Variants in ZNF180 observed in about 807,000 individuals in gnomAD.
ZNF180 encodes zinc finger protein 180 (HHZ168).
In ZNF180, 11 loss-of-function variants were observed where a neutral mutation model predicts 11.8. The observed-to-expected ratio is 0.93, with a 90% CI of 0.59 to 1.55. The LOEUF is 1.55. Among genes scored for constraint, ZNF180 ranks in the 40% most tolerant of loss-of-function variants. The pLI, the probability that ZNF180 is intolerant of heterozygous loss-of-function variation, is 0.00. For missense variants in ZNF180, 773 were observed against 781.7 expected (o/e 0.99, Z 0.13); for synonymous variants, 287 against 257.7 (o/e 1.11, Z -1.09).
chr19:44,481,045 T>C (rs1421966701), intron 3 of ZNF180, among the ~76,000 whole-genome samples: 1 of 152,192 alleles, frequency 6.6e-6, no homozygotes, highest in Non-Finnish European at 1.5e-5. Flanking sequence ...ATTACTGCCA[T>C]ATAAATGGGG....
At chr19:44,481,269 T>A (rs1970071969) in intron 3 of ZNF180, among the ~76,000 whole-genome samples, 1 of 152,158 alleles carries the variant, frequency 6.6e-6, no homozygotes, top group South Asian at 2.1e-4. Context: ...GGGTCCTGAA[T>A]GCCATGAAAG....
At chr19:44,498,127 C>T (rs1050700348) in intron 1 of ZNF180, among the ~76,000 whole-genome samples, 1 of 152,150 alleles carries the variant, frequency 6.6e-6, no homozygotes, top group African/African-American at 2.4e-5. Context: ...AAACCAGTCC[C>T]TCCACCAACT....
chr19:44,476,604 G>A lies in ZNF180; in HGVS notation c.1796C>T (p.Thr599Ile), dbSNP rs752085685. ...QSSCLTQHQRTHTGEKPFECN... is the reference protein window; with the variant it reads ...QSSCLTQHQRIHTGEKPFECN... ...TTCAAATGGTTTCTCTCCAGTATGA[G>A]TTCTCTGATGTTGAGTAAGGCATGA... is the stretch of plus-strand genomic sequence containing the variant. The change falls in exon 5 of 5, where the codon ACT becomes ATT. Residue 599 changes from threonine to isoleucine, a missense_variant. Transcript: ENST00000592529. 5.6e-6 allele frequency: 9 copies of A among 1,614,076 alleles called. No homozygotes were observed. The highest frequency in any genetic ancestry group is 7.6e-6 in the Non-Finnish European group (9 of 1,179,998).
chr19:44,497,794 C>A (rs1008925303), intron 1 of ZNF180, among the ~76,000 whole-genome samples: 9 of 152,134 alleles, frequency 5.9e-5, no homozygotes, highest in African/African-American at 2.2e-4. Context: ...CAATCTACAG[C>A]CCCAAACCAG....
chr19:44,494,052 T>G (rs2123498298), intron 2 of ZNF180, among the ~76,000 whole-genome samples: 1 of 152,274 alleles, frequency 6.6e-6, no homozygotes, highest in Non-Finnish European at 1.5e-5. Context: ...TGCAAAATTT[T>G]GGGGTATGTA....
chr19:44,480,692 T>C (rs1336260004), intron 3 of ZNF180, among the ~76,000 whole-genome samples: 2 of 152,218 alleles, frequency 1.3e-5, no homozygotes, highest in African/African-American at 2.4e-5. Context: ...ATATACACCT[T>C]AAACATATAG....
intron 4 of ZNF180, among the ~76,000 whole-genome samples, 200 bp downstream of exon 4, chr19:44,479,083 A>G (rs548207665): frequency 4.6e-5 from 7 of 152,320 alleles, no homozygotes; most frequent in African/African-American, 1.7e-4. Context: ...GAACATGAAG[A>G]CTGAAAATCT....
In ZNF180 at chr19:44,477,812, A is replaced by G; in HGVS notation, c.588T>C (p.His196=). The part of the protein sequence containing the change: ...IRNHFHKHVS[H]AKKWHLNAAV... ...CAGCATTAAGATGCCATTTTTTAGC[A>G]TGTGATACATGTTTATGAAAATGGT... Residue 196 remains histidine, a synonymous_variant, in exon 5 of 5, where the codon CAT becomes CAC. Coordinates refer to ENST00000592529, the MANE Select transcript of ZNF180 (RefSeq NM_001278509.3). The G allele has an allele frequency of 1.2e-6, 2 of 1,613,946 alleles. No homozygotes were observed. Among genetic ancestry groups the G allele is most frequent in the South Asian group, 2.2e-5 (2 of 91,072 alleles).
At chr19:44,479,517 T>G (rs541990760) in intron 3 of ZNF180, 108 bp from the exon 4 acceptor site, 2 of 1,290,454 alleles carry the variant, frequency 1.5e-6, no homozygotes, top group African/African-American at 1.5e-5. Context: ...GACCTGGGAG[T>G]TGTCCTTAAA....
chr19:44,484,537 T>C, intron 2 of ZNF180, 102 bp from the exon 3 acceptor site: 1 of 768,770 alleles, frequency 1.3e-6, no homozygotes, highest in South Asian at 1.5e-5. Flanking sequence ...ATACCACCTA[T>C]TTTAACGCAT....
chr19:44,497,136 T>A, intron 2 of ZNF180, 148 bp downstream of exon 2: 1 of 492,514 alleles, frequency 2.0e-6, no homozygotes, highest in Non-Finnish European at 3.3e-6. Flanking sequence ...GGGAGATTCA[T>A]AAAATATATA....
At chr19:44,484,234 A>C in intron 3 of ZNF180, 127 bp downstream of exon 3, 1 of 730,090 alleles carries the variant, frequency 1.4e-6, no homozygotes, top group Non-Finnish European at 2.5e-6. Context: ...TCCTGACCTC[A>C]TGATCTGCCC....
chr19:44,489,186 G>A lies in ZNF180; in HGVS notation c.52-4751C>T, dbSNP rs1218789272. Among the ~76,000 whole-genome samples, 135 of 54,880 alleles carry A rather than the reference G, an allele frequency of 2.5e-3. 6 individuals carry two copies. Among genetic ancestry groups the A allele is most frequent in the Non-Finnish European group, 4.8e-3 (101 of 21,262 alleles). The allele number at this position is 54,880 out of a possible 152,430, so 36.0% of individuals were successfully genotyped here. ...AGCCCCCCGCCGGGCCAGCCGCCCC[G>A]TCTGGGAGGTGAGGGGCGCCTCTGC... is the stretch of plus-strand genomic sequence containing the variant. On this transcript the variant is annotated intron_variant, in intron 2 of 4. Coordinates refer to ENST00000592529, the MANE Select transcript of ZNF180 (RefSeq NM_001278509.3).
At chr19:44,483,343 A>G (rs184941530) in intron 3 of ZNF180, among the ~76,000 whole-genome samples, 1 of 152,330 alleles carries the variant, frequency 6.6e-6, no homozygotes, top group African/African-American at 2.4e-5. Context: ...TGTCCACTCC[A>G]TAGGAAGTGG....
chr19:44,477,050 G>C lies in ZNF180; in HGVS notation c.1350C>G (p.Ser450Arg). 1.9e-6 allele frequency: 3 copies of C among 1,613,952 alleles called. No individual in the cohort carries two copies. The highest frequency in any genetic ancestry group is 2.5e-6 in the Non-Finnish European group (3 of 1,180,000). ...TTCTTTGATGTGCAATAAGTTTATA[G>C]CTCTGGATAAATGATTTCCCACATT... Reference protein sequence around the residue: ...CNQCGKSFIQSYKLIAHQRIH... With the variant: ...CNQCGKSFIQRYKLIAHQRIH... Residue 450 changes from serine to arginine, a missense_variant, in exon 5 of 5, where the codon AGC becomes AGG. Ser to Arg is a moderately radical substitution (Grantham distance 110, BLOSUM62 -1). Coordinates refer to ENST00000592529, the MANE Select transcript of ZNF180 (RefSeq NM_001278509.3).
chr19:44,497,232 A>C (rs1240015886), intron 2 of ZNF180, 52 bp downstream of exon 2: 7 of 1,489,296 alleles, frequency 4.7e-6, no homozygotes, highest in Non-Finnish European at 6.2e-6. Context: ...ACAGCCTCCC[A>C]AGCTGAGAGG....
intron 2 of ZNF180, among the ~76,000 whole-genome samples, chr19:44,486,905 T>C (rs549705186): frequency 6.6e-6 from 1 of 152,168 alleles, no homozygotes; most frequent in East Asian, 1.9e-4. Flanking sequence ...ACAAATTAGC[T>C]AGGTGTGGTA....
At chr19:44,478,647 T>C (rs1043584048) in intron 4 of ZNF180, among the ~76,000 whole-genome samples, 1 of 152,244 alleles carries the variant, frequency 6.6e-6, no homozygotes, top group African/African-American at 2.4e-5. Context: ...TGGGGCATTA[T>C]TATCCAGTTC....
chr19:44,484,705 C>A, intron 2 of ZNF180: 1 of 505,620 alleles, frequency 2.0e-6, no homozygotes, highest in Non-Finnish European at 3.6e-6. Flanking sequence ...CTAAATGCAG[C>A]TGACTGAGTG....
Sources: allele counts gnomAD v4.1 joint callset (sites outside exome capture counted in the v4.1 genomes callset), GRCh38; gene constraint gnomAD v4.1.1; transcripts MANE v1.5; gene names NCBI Gene and HGNC (gene_info 2026-07-23, HGNC 2026-07-21).